Variants in UNC79 observed in about 807,000 individuals in gnomAD.
UNC79 encodes protein unc-79 homolog.
Under a neutral mutation model 283.1 loss-of-function variants are expected in UNC79, and 37 were observed. The ratio of observed to expected loss-of-function variants is 0.13; its 90% CI spans 0.10 to 0.17. The LOEUF (loss-of-function observed/expected upper bound fraction) is 0.17. Among genes scored for constraint, UNC79 ranks in the 10% least tolerant of loss-of-function variants. The pLI is 1.00. For missense variants in UNC79, 2,272 were observed against 3,211.1 expected (o/e 0.71, Z 7.07); for synonymous variants, 1,107 against 1,200.2 (o/e 0.92, Z 1.61).
chr14:93,593,908 T>C (rs965036187), intron 23 of UNC79, 71 bp downstream of exon 23: 4 of 1,447,576 alleles, frequency 2.8e-6, no homozygotes, highest in East Asian at 2.5e-5. Context: ...GGCATCTTTT[T>C]TGGCACCTCC....
At chr14:93,659,908 C>T (rs2071354199) in intron 39 of UNC79, among the ~76,000 whole-genome samples, 1 of 152,172 alleles carries the variant, frequency 6.6e-6, no homozygotes, top group African/African-American at 2.4e-5. Flanking sequence ...TTCAAGGTCC[C>T]ATTTAATGAA....
intron 5 of UNC79, among the ~76,000 whole-genome samples, chr14:93,495,038 T>G (rs747288089): frequency 1.3e-5 from 2 of 152,162 alleles, no homozygotes; most frequent in African/African-American, 2.4e-5. Flanking sequence ...AGAAAGTATG[T>G]CTCAGAAGCT....
At chr14:93,596,393 G>A (rs2065083482) in intron 23 of UNC79, among the ~76,000 whole-genome samples, 1 of 152,204 alleles carries the variant, frequency 6.6e-6, no homozygotes, top group Non-Finnish European at 1.5e-5. Flanking sequence ...CCAGCACTTT[G>A]GGAGGCCAAA....
At chr14:93,639,940 A>T (rs548183471) in intron 32 of UNC79, among the ~76,000 whole-genome samples, 3 of 152,334 alleles carry the variant, frequency 2.0e-5, no homozygotes, top group African/African-American at 7.2e-5. Context: ...GTTTTCTCCC[A>T]GCACCAAGAT....
intron 5 of UNC79, among the ~76,000 whole-genome samples, chr14:93,494,329 C>G (rs762784285): frequency 1.3e-5 from 2 of 152,124 alleles, no homozygotes; most frequent in Non-Finnish European, 2.9e-5. Context: ...ACCTCCAACA[C>G]TGGGGATTAC....
intron 27 of UNC79, among the ~76,000 whole-genome samples, chr14:93,613,302 G>T (rs1039665042): frequency 1.4e-5 from 2 of 139,688 alleles, no homozygotes; most frequent in South Asian, 4.5e-4. Context: ...GACTGCATGC[G>T]TGTGTGTGTG....
At chr14:93,343,471 G>C (rs574175575) in intron 1 of UNC79, among the ~76,000 whole-genome samples, 1 of 152,264 alleles carries the variant, frequency 6.6e-6, no homozygotes, top group Admixed American at 6.5e-5. Flanking sequence ...CGATCATTGA[G>C]GTTGTGCAAT....
intron 4 of UNC79, among the ~76,000 whole-genome samples, chr14:93,482,855 A>G (rs2058211065): frequency 6.6e-6 from 1 of 152,144 alleles, no homozygotes; most frequent in African/African-American, 2.4e-5. Flanking sequence ...AGATCATGCC[A>G]CTTCCTTCAG....
intron 14 of UNC79, among the ~76,000 whole-genome samples, chr14:93,569,712 TTACATGTC>T (rs1395466343): frequency 6.6e-6 from 1 of 152,108 alleles, no homozygotes; most frequent in Non-Finnish European, 1.5e-5. Flanking sequence ...TCTGCAGTGT[TTACATGTC>T]CAGGCTGAGG....
chr14:93,487,602 G>A (rs181896264), intron 4 of UNC79, 61 bp from the exon 5 acceptor site: 21 of 1,399,164 alleles, frequency 1.5e-5, no homozygotes, highest in East Asian at 1.2e-4. Context: ...CATGCTCTGT[G>A]CAAAGTAACA....
upstream of UNC79, among the ~76,000 whole-genome samples, chr14:93,429,793 G>T (rs1310948171): frequency 1.3e-5 from 2 of 152,190 alleles, no homozygotes; most frequent in Non-Finnish European, 2.9e-5. Flanking sequence ...GGACATAATG[G>T]TTGGGGATTG....
At chr14:93,586,508 C>T in intron 20 of UNC79, 88 bp from the exon 21 acceptor site, 2 of 1,241,688 alleles carry the variant, frequency 1.6e-6, no homozygotes, top group South Asian at 1.4e-5. Flanking sequence ...ATTTTTTACT[C>T]TTCTTGGTTT....
chr14:93,555,663 C>T (rs867769028), intron 14 of UNC79, among the ~76,000 whole-genome samples: 15 of 152,254 alleles, frequency 9.9e-5, no homozygotes, highest in African/African-American at 3.1e-4. Context: ...CTCAGGCCCC[C>T]AAAGTGCTGG....
At chr14:93,369,884 A>G (rs1255093498) in intron 1 of UNC79, among the ~76,000 whole-genome samples, 2 of 152,248 alleles carry the variant, frequency 1.3e-5, no homozygotes, top group East Asian at 3.8e-4. Context: ...GACAGGAAGT[A>G]ACCAGCTCCA....
intron 7 of UNC79, among the ~76,000 whole-genome samples, chr14:93,519,328 G>A (rs890383845): frequency 6.6e-6 from 1 of 151,600 alleles, no homozygotes; most frequent in African/African-American, 2.4e-5. Flanking sequence ...TTTCAATTAT[G>A]GTATAACAAT....
chr14:93,399,953 GA>G (rs1380275257), intron 1 of UNC79, among the ~76,000 whole-genome samples: 1 of 152,158 alleles, frequency 6.6e-6, no homozygotes, highest in Non-Finnish European at 1.5e-5. Context: ...GCCTGAGATA[GA>G]ACCTGGAACG....
At chr14:93,658,587 T>A (rs191831663) in intron 38 of UNC79, among the ~76,000 whole-genome samples, 99 of 152,336 alleles carry the variant, frequency 6.5e-4, no homozygotes, top group Non-Finnish European at 9.3e-4. Flanking sequence ...ATGTGGAATC[T>A]TGTCAATATA....
chr14:93,641,736 G>A (rs913000909), intron 33 of UNC79, among the ~76,000 whole-genome samples: 1 of 152,200 alleles, frequency 6.6e-6, no homozygotes, highest in African/African-American at 2.4e-5. Flanking sequence ...TGGTAAAAGT[G>A]ACCTGATTGA....
intron 9 of UNC79, 79 bp from the exon 10 acceptor site, chr14:93,529,207 A>G: frequency 6.9e-7 from 1 of 1,455,190 alleles, no homozygotes; most frequent in South Asian, 1.2e-5. Flanking sequence ...TTTCAGCACT[A>G]GTGTGCAGCT....
Sources: gnomAD v4.1 joint callset for allele counts (sites outside exome capture counted in the v4.1 genomes callset) on GRCh38, gnomAD v4.1.1 for gene constraint, MANE v1.5 for transcripts, NCBI Gene and HGNC (gene_info 2026-07-23, HGNC 2026-07-21) for gene names.